Variants in MCC observed in about 807,000 individuals in gnomAD.
MCC encodes the protein MCC regulator of Wnt signaling pathway.
MCC carries 90 observed loss-of-function variants against 116.2 expected under a neutral mutation model. The observed-to-expected ratio is 0.77, with a 90% confidence interval of 0.65 to 0.92. The LOEUF (loss-of-function observed/expected upper bound fraction) is 0.92. Among genes scored for constraint, MCC ranks in the 40% least tolerant of loss-of-function variants. The probability of loss-of-function intolerance (pLI) is 0.00; values close to 1 mark genes in which losing one functional copy is unlikely to be tolerated. For synonymous variants in MCC, 578 were observed against 510.5 expected, an observed-to-expected ratio of 1.13 and a Z score of -1.78; for missense variants, 1,516 against 1,312.2, an observed-to-expected ratio of 1.16 and a Z score of -2.40.
At chr5:113,185,206 T>A (rs1761841301) in intron 3 of MCC, among the ~76,000 whole-genome samples, 1 of 152,114 alleles carries the variant, frequency 6.6e-6, no homozygotes, top group South Asian at 2.1e-4. Flanking sequence ...TAACATGAGG[T>A]CCCAATTCTC....
chr5:113,481,089 T>G (rs1772366377), intron 1 of MCC, among the ~76,000 whole-genome samples: 1 of 152,232 alleles, frequency 6.6e-6, no homozygotes, highest in Non-Finnish European at 1.5e-5. Context: ...GACTTGGATT[T>G]TAAATATGAA....
At chr5:113,051,097 A>C (rs1752453935) in intron 15 of MCC, among the ~76,000 whole-genome samples, 1 of 152,242 alleles carries the variant, frequency 6.6e-6, no homozygotes, top group Non-Finnish European at 1.5e-5. Context: ...AGAGCCAAGA[A>C]CTTAATAACA....
intron 3 of MCC, among the ~76,000 whole-genome samples, chr5:113,229,002 T>G (rs1561471908): frequency 6.6e-6 from 1 of 152,194 alleles, no homozygotes; most frequent in Non-Finnish European, 1.5e-5. Flanking sequence ...TTTAAATACC[T>G]ATTAAACACT....
intron 5 of MCC, among the ~76,000 whole-genome samples, chr5:113,134,555 C>CTTTTTT: frequency 1.7e-4 from 5 of 30,118 alleles, no homozygotes; most frequent in African/African-American, 5.3e-4. Flanking sequence ...GCTATTTGGG[C>CTTTTTT]TTTTTTTTTT....
chr5:113,345,656 C>G (rs1768117287), intron 2 of MCC, among the ~76,000 whole-genome samples: 2 of 152,342 alleles, frequency 1.3e-5, no homozygotes, highest in Non-Finnish European at 1.5e-5. Flanking sequence ...AGATCTTATC[C>G]AAGACCACAA....
chr5:113,374,230 A>ATTT (rs1561542659), intron 2 of MCC, among the ~76,000 whole-genome samples: 134 of 147,606 alleles, frequency 9.1e-4, no homozygotes, highest in African/African-American at 3.3e-3. Flanking sequence ...TTTTTTTTTA[A>ATTT]TAGCAAAGCC....
At chr5:113,277,173 T>A (rs1200125045) in intron 3 of MCC, among the ~76,000 whole-genome samples, 2 of 149,200 alleles carry the variant, frequency 1.3e-5, no homozygotes, top group East Asian at 3.9e-4. Flanking sequence ...TGAAACCCCA[T>A]CTCTACTAAA....
chr5:113,210,555 G>A (rs1365090518), intron 3 of MCC, among the ~76,000 whole-genome samples: 1 of 152,192 alleles, frequency 6.6e-6, no homozygotes, highest in Non-Finnish European at 1.5e-5. Flanking sequence ...GTACAGGTGT[G>A]ATGAGAAATC....
At chr5:113,208,559 A>T (rs1763001491) in intron 3 of MCC, among the ~76,000 whole-genome samples, 1 of 152,148 alleles carries the variant, frequency 6.6e-6, no homozygotes, top group South Asian at 2.1e-4. Flanking sequence ...ATGGGATTAG[A>T]CTTCCATTAC....
At chr5:113,070,637 T>C (rs1030257568) in intron 12 of MCC, among the ~76,000 whole-genome samples, 7 of 152,192 alleles carry the variant, frequency 4.6e-5, no homozygotes, top group African/African-American at 1.7e-4. Flanking sequence ...ATATCAAAAG[T>C]CTAAATGTCT....
chr5:113,471,084 AT>A (rs1191127552), intron 1 of MCC, among the ~76,000 whole-genome samples: 1 of 151,430 alleles, frequency 6.6e-6, no homozygotes, highest in African/African-American at 2.4e-5. Context: ...CATTCATCTA[AT>A]TTTTTTTCAA....
chr5:113,143,460 C>T, intron 4 of MCC, 100 bp from the exon 5 acceptor site: 4 of 1,222,858 alleles, frequency 3.3e-6, no homozygotes, highest in African/African-American at 1.5e-5. Context: ...ACTGCCAACA[C>T]TGAGTATGCC....
intron 1 of MCC, among the ~76,000 whole-genome samples, chr5:113,461,925 T>C: frequency 6.6e-6 from 1 of 152,088 alleles, no homozygotes; most frequent in East Asian, 1.9e-4. Flanking sequence ...AGTGACAATT[T>C]GCTAAATAGA....
intron 3 of MCC, among the ~76,000 whole-genome samples, chr5:113,172,830 C>A (rs574534411): frequency 6.6e-6 from 1 of 152,292 alleles, no homozygotes; most frequent in African/African-American, 2.4e-5. Context: ...TTTCTCCCAG[C>A]TGTATCTATT....
intron 17 of MCC, among the ~76,000 whole-genome samples, chr5:113,034,510 C>T (rs942705727): frequency 1.3e-5 from 2 of 152,242 alleles, no homozygotes; most frequent in Admixed American, 6.5e-5. Context: ...AGAGCCCAGT[C>T]TCAATGAGGC....
chr5:113,304,526 T>G (rs995153845), intron 3 of MCC, among the ~76,000 whole-genome samples: 1 of 152,220 alleles, frequency 6.6e-6, no homozygotes. Context: ...AGTGGGGATT[T>G]GATAATGATT....
chr5:113,480,615 T>C (rs1248842008), intron 1 of MCC, among the ~76,000 whole-genome samples: 4 of 152,134 alleles, frequency 2.6e-5, no homozygotes, highest in East Asian at 1.9e-4. Flanking sequence ...AGTGTCAACA[T>C]CAATACTTGC....
intron 17 of MCC, among the ~76,000 whole-genome samples, chr5:113,034,944 A>T (rs747323484): frequency 6.6e-6 from 1 of 152,012 alleles, no homozygotes; most frequent in Non-Finnish European, 1.5e-5. Flanking sequence ...GTTGTTTAGG[A>T]CTTGGGCCTG....
intron 1 of MCC, among the ~76,000 whole-genome samples, chr5:113,390,531 A>G (rs1769375956): frequency 6.6e-6 from 1 of 152,202 alleles, no homozygotes; most frequent in Non-Finnish European, 1.5e-5. Flanking sequence ...ATTATTTTCT[A>G]TATATAAAAG....
Sources: allele counts gnomAD v4.1 joint callset (sites outside exome capture counted in the v4.1 genomes callset), GRCh38; gene constraint gnomAD v4.1.1; transcripts MANE v1.5; gene names NCBI Gene and HGNC (gene_info 2026-07-23, HGNC 2026-07-21).